Variants in GALNT13 observed in about 807,000 individuals in gnomAD.
GALNT13 encodes the protein polypeptide N-acetylgalactosaminyltransferase 13, also known as UDP-GalNAc:polypeptide N-acetylgalactosaminyltransferase 13.
In GALNT13, 28 loss-of-function variants were observed where a neutral mutation model predicts 64.2. That is an observed-to-expected ratio of 0.44 (90% CI 0.32 to 0.60). The LOEUF is 0.60. Ranked by LOEUF, GALNT13 falls within the 20% of genes least tolerant of loss-of-function variation. GALNT13 has a pLI of 0.05. For synonymous variants in GALNT13, 214 were observed against 224.6 expected (o/e 0.95, Z 0.42); for missense variants, 577 against 669.8 (o/e 0.86, Z 1.53).
At chr2:154,346,822 G>C (rs1485427969) in intron 9 of GALNT13, among the ~76,000 whole-genome samples, 1 of 151,980 alleles carries the variant, frequency 6.6e-6, no homozygotes, top group Non-Finnish European at 1.5e-5. Flanking sequence ...ACTGCCTAAT[G>C]TCACCTAGAT....
chr2:154,015,457 G>A (rs1205331366), intron 3 of GALNT13, among the ~76,000 whole-genome samples: 1 of 152,122 alleles, frequency 6.6e-6, no homozygotes, highest in Non-Finnish European at 1.5e-5. Flanking sequence ...AATAAGATGT[G>A]TCTGGTACAC....
intron 11 of GALNT13, among the ~76,000 whole-genome samples, chr2:154,423,126 T>A (rs1178514193): frequency 7.1e-6 from 1 of 140,756 alleles, no homozygotes; most frequent in Admixed American, 7.4e-5. Context: ...AGTGTTCTCA[T>A]TGTTCATTTC....
intron 10 of GALNT13, among the ~76,000 whole-genome samples, chr2:154,408,385 G>A (rs1181394717): frequency 6.6e-6 from 1 of 151,966 alleles, no homozygotes; most frequent in Non-Finnish European, 1.5e-5. Context: ...TCACTGTTTA[G>A]CATTGTAATA....
chr2:153,948,768 AGCTCAT>A (rs1478869152), intron 3 of GALNT13, among the ~76,000 whole-genome samples: 6 of 152,154 alleles, frequency 3.9e-5, no homozygotes, highest in African/African-American at 1.4e-4. Context: ...AAAACCAAAT[AGCTCAT>A]GTTCTCACTT....
intron 3 of GALNT13, among the ~76,000 whole-genome samples, chr2:154,066,596 A>T (rs1173731165): frequency 6.6e-6 from 1 of 152,030 alleles, no homozygotes; most frequent in Non-Finnish European, 1.5e-5. Context: ...GTGCTGAAGG[A>T]AAAAGCATTT....
At chr2:154,350,931 T>A (rs779087767) in intron 9 of GALNT13, among the ~76,000 whole-genome samples, 2 of 152,132 alleles carry the variant, frequency 1.3e-5, no homozygotes, top group East Asian at 3.9e-4. Flanking sequence ...AGAAAATGTG[T>A]TTTTAAATGC....
At chr2:154,133,577 T>C (rs1395369332) in intron 3 of GALNT13, among the ~76,000 whole-genome samples, 1 of 94,998 alleles carries the variant, frequency 1.1e-5, no homozygotes, top group African/African-American at 3.8e-5. Context: ...TATATATATA[T>C]ATATATATCT....
At chr2:153,215,856 A>G in the GALNT13 span, among the ~76,000 whole-genome samples, 1 of 151,928 alleles carries the variant, frequency 6.6e-6, no homozygotes, top group Non-Finnish European at 1.5e-5. Context: ...TAACAGTAAA[A>G]TCCACACTTT....
Position 154,137,260 on chromosome 2 carries a change from G to A in GALNT13, c.143-3077G>A, listed in dbSNP as rs575219467. On this transcript the variant is annotated intron_variant, in intron 3 of 12. Coordinates refer to ENST00000392825, the MANE Select transcript of GALNT13 (RefSeq NM_052917.4). Reference sequence around the variant, plus strand: ...ACTACTTAGCATTCTTTTTGCTTGAGCAAAGTGAAAAACACCAATAGGCCT... The same window carrying A: ...ACTACTTAGCATTCTTTTTGCTTGAACAAAGTGAAAAACACCAATAGGCCT... Among the ~76,000 whole-genome samples, 3 of 151,744 alleles carry A rather than the reference G, an allele frequency of 2.0e-5. No individual in the cohort carries two copies. The East Asian group carries it at 5.8e-4, about 29-fold the overall frequency.
At chr2:153,814,457 GTAAGTAAGTAAATAAA>G in the GALNT13 span, among the ~76,000 whole-genome samples, 7 of 72,900 alleles carry the variant, frequency 9.6e-5, no homozygotes, top group Admixed American at 1.5e-4. Flanking sequence ...AAATAAGTAA[GTAAGTAAGTAAATAAA>G]TAAATAAATA....
the GALNT13 span, among the ~76,000 whole-genome samples, chr2:153,703,836 G>T: frequency 6.6e-6 from 1 of 152,050 alleles, no homozygotes; most frequent in Non-Finnish European, 1.5e-5. Context: ...GAGAGAACAC[G>T]CATCACTTCT....
chr2:153,300,381 G>A, the GALNT13 span, among the ~76,000 whole-genome samples: 3 of 152,196 alleles, frequency 2.0e-5, no homozygotes, highest in South Asian at 2.1e-4. Flanking sequence ...GGGTGAAAAA[G>A]AAAACAATAC....
intron 4 of GALNT13, among the ~76,000 whole-genome samples, chr2:154,166,146 T>C (rs1210588138): frequency 2.0e-5 from 3 of 152,240 alleles, no homozygotes; most frequent in Non-Finnish European, 2.9e-5. Context: ...GGTTCATGCC[T>C]GTAATCTTAG....
chr2:153,706,189 G>T, the GALNT13 span, among the ~76,000 whole-genome samples: 4 of 151,906 alleles, frequency 2.6e-5, no homozygotes, highest in Admixed American at 6.6e-5. Flanking sequence ...TAGAGATGGG[G>T]TTTCACCATG....
chr2:153,486,937 A>G, the GALNT13 span, among the ~76,000 whole-genome samples: 1 of 152,320 alleles, frequency 6.6e-6, no homozygotes, highest in South Asian at 2.1e-4. Flanking sequence ...CACCAGCTTC[A>G]ATATGGGGAA....
At chr2:154,412,008 C>T (rs544578778) in intron 11 of GALNT13, among the ~76,000 whole-genome samples, 1 of 151,756 alleles carries the variant, frequency 6.6e-6, no homozygotes, top group South Asian at 2.1e-4. Flanking sequence ...GTGTATTGAT[C>T]CATTGCCATT....
At chr2:153,413,343 A>G in the GALNT13 span, among the ~76,000 whole-genome samples, 1 of 152,100 alleles carries the variant, frequency 6.6e-6, no homozygotes, top group Admixed American at 6.5e-5. Flanking sequence ...GGTATAAGCA[A>G]AGGTAAGTGG....
At chr2:153,720,296 C>CA in the GALNT13 span, among the ~76,000 whole-genome samples, 1 of 145,124 alleles carries the variant, frequency 6.9e-6, no homozygotes, top group South Asian at 2.3e-4. Flanking sequence ...ACATCCACAC[C>CA]GAAAACCCAT....
chr2:153,707,010 G>T, the GALNT13 span, among the ~76,000 whole-genome samples: 1 of 152,132 alleles, frequency 6.6e-6, no homozygotes, highest in Non-Finnish European at 1.5e-5. Flanking sequence ...TAGTGAATAA[G>T]ACTCACGAGA....
Sources: allele counts gnomAD v4.1 joint callset (sites outside exome capture counted in the v4.1 genomes callset), GRCh38; gene constraint gnomAD v4.1.1; transcripts MANE v1.5; gene names NCBI Gene and HGNC (gene_info 2026-07-23, HGNC 2026-07-21).